HYDIN: variants seen among roughly 807,000 people sequenced by gnomAD.
HYDIN encodes the protein axonemal central pair apparatus protein HYDIN.
Under a neutral mutation model 403.9 loss-of-function variants are expected in HYDIN, and 132 were observed. The observed-to-expected ratio is 0.33, with a 90% confidence interval of 0.28 to 0.38. The LOEUF (loss-of-function observed/expected upper bound fraction) is 0.38. Ranked by LOEUF, HYDIN falls within the 10% of genes least tolerant of loss-of-function variation. HYDIN has a pLI of 1.00. For synonymous variants in HYDIN, 1,202 were observed against 1,891.7 expected (o/e 0.64, Z 9.46); for missense variants, 2,827 against 5,009.5 (o/e 0.56, Z 13.15).
At chr16:71,063,018 A>G (rs917449394) in intron 16 of HYDIN, 4 of 152,344 alleles carry the variant, frequency 2.6e-5, no homozygotes, top group African/African-American at 9.6e-5. Context: ...CCCAAAGCAT[A>G]TGCTCAGTTT....
In HYDIN at chr16:70,806,432, G is replaced by A. The variant is rs1327165389; in HGVS notation, c.*1148C>T. Among the ~76,000 whole-genome samples the A allele has an allele frequency of 6.6e-6, 1 of 152,186 alleles. No individual in the cohort carries two copies. Among genetic ancestry groups the A allele is most frequent in the Non-Finnish European group, 1.5e-5 (1 of 68,040 alleles). ...AAGAAGGAGAAGAGTCTCCCTCCAT[G>A]AAAGCCACCTCTGACAGGTATAAGG... On this transcript the variant is annotated 3_prime_UTR_variant, in exon 86 of 86. Coordinates refer to ENST00000393567, the MANE Select transcript of HYDIN (RefSeq NM_001270974.2).
intron 23 of HYDIN, among the ~76,000 whole-genome samples, chr16:71,000,654 G>A (rs1268436153): frequency 6.6e-6 from 1 of 151,968 alleles, no homozygotes; most frequent in Non-Finnish European, 1.5e-5. Context: ...GACTACAAAG[G>A]CAGGAAACTT....
chr16:71,215,188 T>G (rs570589045), intron 1 of HYDIN, among the ~76,000 whole-genome samples: 10 of 150,154 alleles, frequency 6.7e-5, no homozygotes, highest in African/African-American at 2.5e-4. Flanking sequence ...AGAGTACCAA[T>G]TCACTATTCT....
At chr16:70,841,693 G>GCT (rs1490410024) in intron 75 of HYDIN, among the ~76,000 whole-genome samples, 3 of 151,704 alleles carry the variant, frequency 2.0e-5, no homozygotes, top group Non-Finnish European at 4.4e-5. Context: ...ACTCCTTCTT[G>GCT]CTCTCTCTCT....
chr16:70,824,091 T>C (rs1450255736), intron 83 of HYDIN, among the ~76,000 whole-genome samples: 1 of 151,890 alleles, frequency 6.6e-6, no homozygotes, highest in East Asian at 1.9e-4. Flanking sequence ...GAGTATAAAA[T>C]GGAGTATTAT....
chr16:70,985,847 C>T (rs12102474), intron 27 of HYDIN, among the ~76,000 whole-genome samples: 2,770 of 149,006 alleles, frequency 0.019, 93 homozygotes, highest in African/African-American at 0.064. Flanking sequence ...AGCAAACTAT[C>T]GCAAGGACAA....
intron 52 of HYDIN, among the ~76,000 whole-genome samples, chr16:70,901,745 C>T (rs1177638015): frequency 6.6e-6 from 1 of 151,920 alleles, no homozygotes; most frequent in African/African-American, 2.4e-5. Flanking sequence ...GCCACCATGC[C>T]TGGCTAATTT....
At chr16:71,004,992 T>G (rs195649) in intron 23 of HYDIN, among the ~76,000 whole-genome samples, 2 of 152,248 alleles carry the variant, frequency 1.3e-5, no homozygotes, top group African/African-American at 2.4e-5. Context: ...TATTCAGAAG[T>G]ATGTTTTAAA....
rs372418605 is a variant in HYDIN at position 71,044,930 on chromosome 16, G to A, written c.2530-13013C>T. On this transcript the variant is annotated intron_variant, in intron 18 of 85. Coordinates refer to ENST00000393567, the MANE Select transcript of HYDIN (RefSeq NM_001270974.2). ...ATACAGGTTTGCTTCTGGGAAAGCT[G>A]TTGGGGGAACTAGAATTTCCATCTT... Among the ~76,000 whole-genome samples, 379 of 150,754 alleles carry A rather than the reference G, an allele frequency of 2.5e-3. 4 individuals are homozygous for A. The highest frequency in any genetic ancestry group is 8.5e-3 in the African/African-American group (349 of 41,128).
intron 22 of HYDIN, 49 bp downstream of exon 22, chr16:71,020,125 C>G (rs186093669): frequency 1.5e-4 from 242 of 1,595,020 alleles, no homozygotes; most frequent in Non-Finnish European, 2.0e-4. Context: ...CTTTATCACA[C>G]CCCGCCCCAC....
chr16:70,854,540 G>A (rs1319964073), intron 73 of HYDIN, among the ~76,000 whole-genome samples: 3 of 151,452 alleles, frequency 2.0e-5, no homozygotes, highest in South Asian at 2.1e-4. Context: ...TCAGTCTCTC[G>A]AGTAGCTGGG....
At chr16:70,889,900 AG>A (rs1476551335) in intron 57 of HYDIN, among the ~76,000 whole-genome samples, 196 bp from the exon 58 acceptor site, 3 of 152,260 alleles carry the variant, frequency 2.0e-5, no homozygotes, top group African/African-American at 7.2e-5. Flanking sequence ...TAAGGAAACT[AG>A]GCGGTAATTA....
intron 71 of HYDIN, among the ~76,000 whole-genome samples, chr16:70,859,036 TCA>T (rs1260874058): frequency 6.6e-6 from 1 of 151,302 alleles, no homozygotes; most frequent in Non-Finnish European, 1.5e-5. Flanking sequence ...GCGCAGTGGC[TCA>T]CACCTGTAAT....
At chr16:71,050,033 T>C (rs971354956) in intron 18 of HYDIN, among the ~76,000 whole-genome samples, 7 of 149,306 alleles carry the variant, frequency 4.7e-5, no homozygotes, top group African/African-American at 1.7e-4. Flanking sequence ...TTGGGGTGTG[T>C]GTGTGTGTGT....
intron 18 of HYDIN, among the ~76,000 whole-genome samples, chr16:71,049,352 G>C (rs1428888253): frequency 6.6e-6 from 1 of 152,096 alleles, no homozygotes; most frequent in Non-Finnish European, 1.5e-5. Flanking sequence ...TGGTGGACGT[G>C]GTGGTGTTAA....
At position 71,064,843 on chromosome 16, in the gene HYDIN, G is replaced by A. The variant is rs776891986; in HGVS notation, c.2076-3C>T. The A allele has an allele frequency of 1.9e-6, 3 of 1,607,866 alleles. No homozygotes were observed. Among genetic ancestry groups the A allele is most frequent in the Non-Finnish European group, 1.7e-6 (2 of 1,177,628 alleles). ...GGTGGAGGGCAGGTACAACACACCT[G>A]CTCGGAGGAGCCCATCACACAATTC... On this transcript the variant is annotated splice_region_variant and splice_polypyrimidine_tract_variant and intron_variant, in intron 15 of 85. Transcript: ENST00000393567.
At chr16:71,153,322 A>T (rs2085617625) in intron 6 of HYDIN, among the ~76,000 whole-genome samples, 1 of 152,176 alleles carries the variant, frequency 6.6e-6, no homozygotes, top group African/African-American at 2.4e-5. Context: ...GCCTTAGGAT[A>T]ATTCAGGACA....
chr16:71,184,773 G>A, intron 3 of HYDIN, 92 bp downstream of exon 3: 6 of 1,104,452 alleles, frequency 5.4e-6, no homozygotes, highest in Non-Finnish European at 7.7e-6. Context: ...TAAAGGATTA[G>A]GTAGCCAAGA....
At chr16:70,978,121 TCCCTCCCCTC>T (rs1488478987) in intron 30 of HYDIN, among the ~76,000 whole-genome samples, 1 of 151,926 alleles carries the variant, frequency 6.6e-6, no homozygotes, top group African/African-American at 2.4e-5. Context: ...TGAACTCCTT[TCCCTCCCCTC>T]CCCTCCCACC....
Sources: allele counts gnomAD v4.1 joint callset (sites outside exome capture counted in the v4.1 genomes callset), GRCh38; gene constraint gnomAD v4.1.1; transcripts MANE v1.5; gene names NCBI Gene and HGNC (gene_info 2026-07-23, HGNC 2026-07-21).